Variants in GPC3 observed in about 807,000 individuals in gnomAD.
GPC3 encodes the protein glypican 3.
Under a neutral mutation model 34.4 loss-of-function variants are expected in GPC3, and 3 were observed. That is an observed-to-expected ratio of 0.09 (90% CI 0.04 to 0.23). GPC3 has a LOEUF of 0.23. Among genes scored for constraint, GPC3 ranks in the 10% least tolerant of loss-of-function variants. The pLI, the probability that GPC3 is intolerant of heterozygous loss-of-function variation, is 1.00. For synonymous variants in GPC3, 177 were observed against 174.0 expected (o/e 1.02, Z -0.13); for missense variants, 351 against 445.6 (o/e 0.79, Z 1.91).
In GPC3 at chrX:133,741,172, A is replaced by G. The variant is rs747204034; in HGVS notation, c.1032+12310T>C. On this transcript the variant is annotated intron_variant, in intron 3 of 7. Coordinates refer to ENST00000370818, the MANE Select transcript of GPC3 (RefSeq NM_004484.4). ...GTTAAGACAGAATGAGATGGCAGCC[A>G]TCTGCAAGCCAAGAAGAAAGCCCTT... Among the ~76,000 whole-genome samples the G allele has an allele frequency of 7.3e-5, 8 of 110,008 alleles. No individual in the cohort carries two copies. In the East Asian group the frequency reaches 2.3e-3, roughly 31 times the overall value.
chrX:133,538,202 T>C (rs2069311946), intron 7 of GPC3, among the ~76,000 whole-genome samples: 1 of 112,024 alleles, frequency 8.9e-6, no homozygotes, highest in Admixed American at 9.5e-5. Flanking sequence ...ACTTGGAAAT[T>C]AGACCTCTTT....
At chrX:133,700,599 G>C (rs980991587) in intron 3 of GPC3, among the ~76,000 whole-genome samples, 2 of 111,717 alleles carry the variant, frequency 1.8e-5, no homozygotes, top group Admixed American at 1.9e-4. Flanking sequence ...TCAGTAGCCA[G>C]TGACAGGCAG....
chrX:133,641,266 A>T (rs2070478302), intron 6 of GPC3, among the ~76,000 whole-genome samples: 1 of 110,611 alleles, frequency 9.0e-6, no homozygotes, highest in Non-Finnish European at 1.9e-5. Flanking sequence ...ACTTGAGTTC[A>T]GGAGTTTGAG....
At chrX:133,793,762 C>G (rs780082929) in intron 2 of GPC3, among the ~76,000 whole-genome samples, 30 of 111,991 alleles carry the variant, frequency 2.7e-4, no homozygotes, top group Non-Finnish European at 4.7e-4. Flanking sequence ...ACCTGCATAG[C>G]CTCACTGTAA....
chrX:133,897,886 G>A (rs1258007254), intron 2 of GPC3, among the ~76,000 whole-genome samples: 1 of 111,666 alleles, frequency 9.0e-6, no homozygotes, highest in East Asian at 2.8e-4. Flanking sequence ...ACAAGGACAG[G>A]TGGGTAATGG....
Position 133,610,582 on chromosome X carries a change from T to C in GPC3, c.1414-13983A>G, listed in dbSNP as rs1430903062. On this transcript the variant is annotated intron_variant, in intron 6 of 7. Transcript: ENST00000370818. ...CATAACATTTAACCCCCTTTTGATA[T>C]ACCAGGTAATATACACACAGTCTTA... 5.6e-5 allele frequency among the ~76,000 whole-genome samples: 6 copies of C among 107,582 alleles called. No individual in the cohort carries two copies. In the East Asian group the frequency reaches 1.7e-3, roughly 31 times the overall value. 93.4% of individuals were successfully genotyped at this position (107,582 alleles called of 115,157 possible).
chrX:133,751,520 T>C (rs912810932), intron 3 of GPC3, among the ~76,000 whole-genome samples: 3 of 112,372 alleles, frequency 2.7e-5, no homozygotes, highest in African/African-American at 9.7e-5. Flanking sequence ...TGACTAACAT[T>C]GTGAATGGGG....
At chrX:133,750,141 A>C (rs1294447193) in intron 3 of GPC3, among the ~76,000 whole-genome samples, 2 of 112,182 alleles carry the variant, frequency 1.8e-5, no homozygotes, top group Non-Finnish European at 3.8e-5. Context: ...AGGCCAAAAC[A>C]GAAAGGGCCT....
At chrX:133,660,302 G>T (rs998158755) in intron 6 of GPC3, among the ~76,000 whole-genome samples, 1 of 112,310 alleles carries the variant, frequency 8.9e-6, no homozygotes, top group Non-Finnish European at 1.9e-5. Context: ...TCTTGCATAA[G>T]GATTTCAGTT....
chrX:133,608,040 G>A (rs377633110), intron 6 of GPC3, among the ~76,000 whole-genome samples: 1 of 112,561 alleles, frequency 8.9e-6, no homozygotes, highest in African/African-American at 3.2e-5. Context: ...AGCCTTACTA[G>A]AGTAAAGCTC....
intron 6 of GPC3, among the ~76,000 whole-genome samples, chrX:133,598,198 G>A (rs2069940085): frequency 9.0e-6 from 1 of 111,451 alleles, no homozygotes; most frequent in Non-Finnish European, 1.9e-5. Flanking sequence ...CATCACCCAG[G>A]TGGGGGTGCA....
chrX:133,864,525 T>TGGCCCCATCACTGCTC lies in GPC3; in HGVS notation c.337+88509_337+88524dup, dbSNP rs1436663779. 8.1e-5 allele frequency among the ~76,000 whole-genome samples: 9 copies of TGGCCCCATCACTGCTC among 111,763 alleles called. No homozygotes were observed. The Admixed American group carries it at 8.5e-4, about 11-fold the overall frequency. On this transcript the variant is annotated intron_variant, in intron 2 of 7. Coordinates refer to ENST00000370818, the MANE Select transcript of GPC3 (RefSeq NM_004484.4). Reference sequence around the variant, plus strand: ...ACTCCCATCACCTCTCCTTTCCACCTGGCCCCATCACTGCTCAGCCCCATG... The same window carrying TGGCCCCATCACTGCTC: ...ACTCCCATCACCTCTCCTTTCCACCTGGCCCCATCACTGCTCGGCCCCATCACTGCTCAGCCCCATG...
At chrX:133,606,180 C>T (rs887130322) in intron 6 of GPC3, among the ~76,000 whole-genome samples, 5 of 112,253 alleles carry the variant, frequency 4.5e-5, no homozygotes, top group African/African-American at 1.3e-4. Flanking sequence ...GAATTAAATC[C>T]ATTTCAGTGG....
intron 2 of GPC3, among the ~76,000 whole-genome samples, chrX:133,787,851 G>A (rs764462823): frequency 3.9e-4 from 42 of 108,562 alleles, no homozygotes; most frequent in Middle Eastern, 9.5e-3. Flanking sequence ...AATACACTTG[G>A]CTACTCTCTC....
intron 4 of GPC3, among the ~76,000 whole-genome samples, chrX:133,699,517 A>C (rs1453504492): frequency 8.9e-6 from 1 of 111,883 alleles, no homozygotes; most frequent in Admixed American, 9.5e-5. Flanking sequence ...AATGTGTCTC[A>C]CCAGCTTCTC....
chrX:133,975,468 C>T (rs2076511187), intron 1 of GPC3, among the ~76,000 whole-genome samples: 2 of 111,210 alleles, frequency 1.8e-5, no homozygotes, highest in Non-Finnish European at 3.8e-5. Context: ...CTCTCTGTCA[C>T]CCAGGCTGGA....
intron 2 of GPC3, among the ~76,000 whole-genome samples, chrX:133,799,852 G>C (rs1318754074): frequency 9.0e-6 from 1 of 111,643 alleles, no homozygotes; most frequent in Non-Finnish European, 1.9e-5. Context: ...GTCAAAGTCT[G>C]AGACTACAGA....
At chrX:133,885,554 T>C (rs2076058343) in intron 2 of GPC3, among the ~76,000 whole-genome samples, 1 of 111,414 alleles carries the variant, frequency 9.0e-6, no homozygotes, top group African/African-American at 3.3e-5. Flanking sequence ...AAGCAGCAAG[T>C]TAGAGGGAGA....
chrX:133,688,164 A>G (rs1387259754), intron 5 of GPC3, among the ~76,000 whole-genome samples: 2 of 112,412 alleles, frequency 1.8e-5, no homozygotes, highest in African/African-American at 6.5e-5. Flanking sequence ...TGACAAAGGC[A>G]GAAGCTGGAG....
Sources: allele counts gnomAD v4.1 joint callset (sites outside exome capture counted in the v4.1 genomes callset), GRCh38; gene constraint gnomAD v4.1.1; transcripts MANE v1.5; gene names NCBI Gene and HGNC (gene_info 2026-07-23, HGNC 2026-07-21).